Variants in NFATC1 observed in about 807,000 individuals in gnomAD.
NFATC1 encodes the protein nuclear factor of activated T cells 1.
NFATC1 carries 22 observed loss-of-function variants against 76.0 expected under a neutral mutation model. The ratio of observed to expected loss-of-function variants is 0.29; its 90% CI spans 0.21 to 0.41. The LOEUF is 0.41. Among genes scored for constraint, NFATC1 ranks in the 10% least tolerant of loss-of-function variants. NFATC1 has a pLI of 1.00. For missense variants in NFATC1, 1,357 were observed against 1,337.7 expected, an observed-to-expected ratio of 1.01 and a Z score of -0.23; for synonymous variants, 704 against 613.1, an observed-to-expected ratio of 1.15 and a Z score of -2.19.
Position 79,463,481 on chromosome 18 carries a change from C to A in NFATC1, c.1959+2115C>A, listed in dbSNP as rs57680512. ...ATACCGGCCTCTCCTCCCCACAGCC[C>A]GTTCCCGTGTCCATACCGGCCTCTC... On this transcript the variant is annotated intron_variant, in intron 7 of 9. Transcript: ENST00000427363. Among the ~76,000 whole-genome samples the A allele has an allele frequency of 7.0e-4, 65 of 92,498 alleles. 1 individual carries two copies. In the South Asian group the frequency reaches 0.014, roughly 20 times the overall value. 60.7% of individuals were successfully genotyped at this position (92,498 alleles called of 152,430 possible). A position where few individuals can be genotyped will look rare whatever the true frequency, so the allele number is the denominator to read the frequency against.
chr18:79,464,687 T>TAA, intron 7 of NFATC1, among the ~76,000 whole-genome samples: 1 of 110,934 alleles, frequency 9.0e-6, no homozygotes, highest in Non-Finnish European at 1.7e-5. Flanking sequence ...TATGTGTATA[T>TAA]ATATATATTT....
intron 9 of NFATC1, among the ~76,000 whole-genome samples, chr18:79,521,432 G>A (rs1199172510): frequency 3.7e-5 from 4 of 107,412 alleles, no homozygotes; most frequent in Admixed American, 9.5e-5. Context: ...ACTGATGTGT[G>A]TGTCTGTGTG....
chr18:79,405,266 A>T (rs1479311067), intron 1 of NFATC1, among the ~76,000 whole-genome samples: 1 of 152,212 alleles, frequency 6.6e-6, no homozygotes, highest in Non-Finnish European at 1.5e-5. Context: ...CTTAGAATCC[A>T]GCTGTCTCCC....
At chr18:79,428,612 TC>T (rs2086480567) in intron 2 of NFATC1, among the ~76,000 whole-genome samples, 1 of 152,226 alleles carries the variant, frequency 6.6e-6, no homozygotes, top group Non-Finnish European at 1.5e-5. Flanking sequence ...ATGAGGATGG[TC>T]CTTGTGATAA....
intron 9 of NFATC1, among the ~76,000 whole-genome samples, chr18:79,487,377 G>A (rs971417013): frequency 2.0e-5 from 3 of 152,230 alleles, no homozygotes; most frequent in Non-Finnish European, 4.4e-5. Flanking sequence ...GCTTAGCCGA[G>A]GTGACGAGCA....
At chr18:79,493,255 GC>G (rs1267126143) in intron 9 of NFATC1, 1 of 152,286 alleles carries the variant, frequency 6.6e-6, no homozygotes, top group African/African-American at 2.4e-5. Context: ...TTACGCGTCA[GC>G]GAGGGCCGCC....
intron 2 of NFATC1, among the ~76,000 whole-genome samples, chr18:79,419,026 C>G (rs545925848): frequency 1.3e-5 from 2 of 152,120 alleles, no homozygotes; most frequent in African/African-American, 4.8e-5. Flanking sequence ...TGGCTTTTTG[C>G]TCAGATATTT....
At chr18:79,487,118 C>T (rs1005980299) in intron 9 of NFATC1, among the ~76,000 whole-genome samples, 181 bp downstream of exon 9, 1 of 152,130 alleles carries the variant, frequency 6.6e-6, no homozygotes, top group Non-Finnish European at 1.5e-5. Context: ...TCAGCGCCAC[C>T]TGGGGCGCTC....
At chr18:79,435,514 G>A (rs2086743657) in intron 3 of NFATC1, among the ~76,000 whole-genome samples, 1 of 152,192 alleles carries the variant, frequency 6.6e-6, no homozygotes, top group South Asian at 2.1e-4. Flanking sequence ...TTTAATGGAT[G>A]TATTTTCACC....
chr18:79,510,116 C>T (rs942148132), intron 9 of NFATC1, among the ~76,000 whole-genome samples: 1 of 152,186 alleles, frequency 6.6e-6, no homozygotes, highest in African/African-American at 2.4e-5. Context: ...CTTAGTTTTC[C>T]AGATAACTCA....
At chr18:79,424,805 GTCTGTC>G (rs1176331011) in intron 2 of NFATC1, among the ~76,000 whole-genome samples, 12 of 98,142 alleles carry the variant, frequency 1.2e-4, no homozygotes, top group African/African-American at 3.3e-4. Context: ...CTCTGTGTCT[GTCTGTC>G]TCTGTCTCTC....
chr18:79,405,206 T>C (rs2085394180), intron 1 of NFATC1, among the ~76,000 whole-genome samples: 1 of 152,224 alleles, frequency 6.6e-6, no homozygotes, highest in South Asian at 2.1e-4. Flanking sequence ...AGAGGGGCCA[T>C]GCCATGACCT....
intron 9 of NFATC1, chr18:79,527,197 T>TCG: frequency 3.8e-6 from 1 of 264,980 alleles, no homozygotes; most frequent in Non-Finnish European, 7.3e-6. Flanking sequence ...GGTGTGGACC[T>TCG]GTGGGTCGCT....
At chr18:79,512,398 C>T (rs1246527969) in intron 9 of NFATC1, among the ~76,000 whole-genome samples, 1 of 152,214 alleles carries the variant, frequency 6.6e-6, no homozygotes, top group Non-Finnish European at 1.5e-5. Context: ...ACGGCAGCCA[C>T]TCCGCCACAC....
chr18:79,514,590 A>C, intron 9 of NFATC1, among the ~76,000 whole-genome samples: 1 of 122,986 alleles, frequency 8.1e-6, no homozygotes, highest in East Asian at 2.1e-4. Context: ...AAAAAAAAAA[A>C]ACCAATCTCA....
At chr18:79,488,243 A>G (rs1490186922) in intron 9 of NFATC1, among the ~76,000 whole-genome samples, 5 of 149,178 alleles carry the variant, frequency 3.4e-5, no homozygotes, top group South Asian at 2.1e-4. Context: ...TTGAGCCCAC[A>G]GCCCTGGTGT....
At chr18:79,521,696 G>T (rs1273581553) in intron 9 of NFATC1, among the ~76,000 whole-genome samples, 1 of 76,586 alleles carries the variant, frequency 1.3e-5, no homozygotes, top group African/African-American at 5.2e-5. Context: ...GTGTGTGTGT[G>T]TGTGGGGAGC....
intron 8 of NFATC1, among the ~76,000 whole-genome samples, chr18:79,481,883 T>C (rs1353629741): frequency 3.5e-5 from 5 of 144,708 alleles, no homozygotes; most frequent in Non-Finnish European, 6.0e-5. Flanking sequence ...GTTCCTGGGG[T>C]GTCATTCCAG....
intron 4 of NFATC1, among the ~76,000 whole-genome samples, chr18:79,449,774 G>A (rs533157837): frequency 6.6e-6 from 1 of 152,346 alleles, no homozygotes; most frequent in East Asian, 1.9e-4. Context: ...GGAGCCCCGG[G>A]GGTGGGTGCA....
Sources: allele counts gnomAD v4.1 joint callset (sites outside exome capture counted in the v4.1 genomes callset), GRCh38; gene constraint gnomAD v4.1.1; transcripts MANE v1.5; gene names NCBI Gene and HGNC (gene_info 2026-07-23, HGNC 2026-07-21).